The following FHIT variants were observed in gnomAD, a reference collection of about 807,000 sequenced individuals.
The protein encoded by FHIT is fragile histidine triad diadenosine triphosphatase, also known as bis(5'-adenosyl)-triphosphatase.
In FHIT, 19 loss-of-function variants were observed where a neutral mutation model predicts 17.9. That is an observed-to-expected ratio of 1.06 (90% CI 0.74 to 1.56). The LOEUF (loss-of-function observed/expected upper bound fraction) is 1.56, where lower values mean the gene tolerates loss of function less well. Ranked by LOEUF, FHIT falls within the 40% of genes most tolerant of loss-of-function variation. The probability of loss-of-function intolerance (pLI) is 0.00; values close to 1 mark genes in which losing one functional copy is unlikely to be tolerated. For missense variants in FHIT, 248 were observed against 189.2 expected, an observed-to-expected ratio of 1.31 and a Z score of -1.82; for synonymous variants, 81 against 69.7, an observed-to-expected ratio of 1.16 and a Z score of -0.81.
intron 5 of FHIT, among the ~76,000 whole-genome samples, chr3:60,214,705 A>C (rs1217104507): frequency 6.6e-6 from 1 of 152,216 alleles, no homozygotes; most frequent in Non-Finnish European, 1.5e-5. Context: ...CCAAAAAGAC[A>C]TGTACACTCC....
chr3:60,778,198 G>T (rs1380832081), intron 4 of FHIT, among the ~76,000 whole-genome samples: 2 of 152,138 alleles, frequency 1.3e-5, no homozygotes, highest in African/African-American at 4.8e-5. Flanking sequence ...CATAATTAAG[G>T]TTTTTATGTT....
chr3:59,818,029 C>T (rs867175221), intron 8 of FHIT, among the ~76,000 whole-genome samples: 1 of 151,560 alleles, frequency 6.6e-6, no homozygotes, highest in Non-Finnish European at 1.5e-5. Context: ...GGTTCTGAGG[C>T]TGGTGGGAAA....
chr3:60,611,236 G>T (rs1322870828), intron 4 of FHIT, among the ~76,000 whole-genome samples: 2 of 152,180 alleles, frequency 1.3e-5, no homozygotes, highest in African/African-American at 4.8e-5. Context: ...TGAAGGTCCA[G>T]TTTGCAACAC....
At chr3:59,947,953 T>C (rs936098510) in intron 7 of FHIT, among the ~76,000 whole-genome samples, 1 of 152,200 alleles carries the variant, frequency 6.6e-6, no homozygotes, top group Non-Finnish European at 1.5e-5. Context: ...TTGAGATCCA[T>C]ACAAGCTGTT....
chr3:59,859,232 G>T (rs1244415175), intron 8 of FHIT, among the ~76,000 whole-genome samples: 3 of 152,170 alleles, frequency 2.0e-5, no homozygotes, highest in African/African-American at 7.2e-5. Flanking sequence ...CAGTGTGGTT[G>T]CCTTCTGATG....
intron 4 of FHIT, among the ~76,000 whole-genome samples, chr3:60,565,231 A>T (rs145108491): frequency 1.3e-5 from 2 of 152,310 alleles, no homozygotes; most frequent in East Asian, 3.9e-4. Context: ...TAAAATTCAC[A>T]TGACTGATTT....
chr3:60,701,071 A>T (rs1271103515), intron 4 of FHIT, among the ~76,000 whole-genome samples: 1 of 151,734 alleles, frequency 6.6e-6, no homozygotes, highest in Non-Finnish European at 1.5e-5. Flanking sequence ...GCCAATTTTC[A>T]TAGCATCTTT....
chr3:60,533,536 A>T (rs944297503), intron 5 of FHIT, among the ~76,000 whole-genome samples: 2 of 152,332 alleles, frequency 1.3e-5, no homozygotes, highest in Middle Eastern at 3.4e-3. Context: ...GCTCAGTAAT[A>T]AAGTACTGAA....
At chr3:60,173,194 TTGAAAGATCA>T (rs757292544) in intron 5 of FHIT, among the ~76,000 whole-genome samples, 14 of 152,194 alleles carry the variant, frequency 9.2e-5, no homozygotes, top group Admixed American at 7.8e-4. Flanking sequence ...GCCTCTCAGG[TTGAAAGATCA>T]TGATGGATTA....
chr3:61,170,100 G>A (rs1429556363), intron 2 of FHIT, among the ~76,000 whole-genome samples: 1 of 152,110 alleles, frequency 6.6e-6, no homozygotes, highest in Non-Finnish European at 1.5e-5. Flanking sequence ...TGAGAAAAGG[G>A]CTCAGAGGAG....
chr3:59,801,874 G>A (rs377309234), intron 8 of FHIT, among the ~76,000 whole-genome samples: 103 of 152,282 alleles, frequency 6.8e-4, no homozygotes, highest in African/African-American at 2.4e-3. Context: ...GTCTCCAGCC[G>A]CCTGAGTCCT....
chr3:59,822,410 A>C (rs1448538855), intron 8 of FHIT, among the ~76,000 whole-genome samples: 3 of 152,146 alleles, frequency 2.0e-5, no homozygotes, highest in African/African-American at 7.2e-5. Context: ...TTCCATTCCC[A>C]TCAGCAGTGT....
At chr3:60,865,404 G>T (rs1265056732) in intron 3 of FHIT, among the ~76,000 whole-genome samples, 2 of 152,140 alleles carry the variant, frequency 1.3e-5, no homozygotes, top group Non-Finnish European at 2.9e-5. Context: ...CATGTCCATT[G>T]TTGCAGGAAT....
At chr3:59,947,850 T>C (rs1295743352) in intron 7 of FHIT, among the ~76,000 whole-genome samples, 1 of 152,228 alleles carries the variant, frequency 6.6e-6, no homozygotes, top group East Asian at 1.9e-4. Flanking sequence ...ATGGTGGGTG[T>C]ATGCCAATTT....
chr3:60,822,529 A>T (rs1203431349), intron 3 of FHIT, among the ~76,000 whole-genome samples: 1 of 152,148 alleles, frequency 6.6e-6, no homozygotes, highest in Non-Finnish European at 1.5e-5. Context: ...GCAAAGAAAC[A>T]TGGGTTTTTT....
intron 5 of FHIT, among the ~76,000 whole-genome samples, chr3:60,017,298 AG>A (rs1224433894): frequency 6.6e-6 from 1 of 152,244 alleles, no homozygotes; most frequent in Non-Finnish European, 1.5e-5. Context: ...AGGAGGCCTC[AG>A]CACTGGGCAG....
chr3:59,826,621 T>G (rs1313317998), intron 8 of FHIT, among the ~76,000 whole-genome samples: 3 of 152,236 alleles, frequency 2.0e-5, no homozygotes, highest in Admixed American at 2.0e-4. Flanking sequence ...GCCCCTAACC[T>G]GGCATTGTAG....
intron 5 of FHIT, among the ~76,000 whole-genome samples, chr3:60,190,431 G>A (rs929780637): frequency 6.6e-6 from 1 of 152,046 alleles, no homozygotes. Context: ...CCTAAAAGCT[G>A]GCCAAAAGAT....
intron 5 of FHIT, among the ~76,000 whole-genome samples, chr3:60,055,100 T>C (rs1306517269): frequency 6.6e-6 from 1 of 152,176 alleles, no homozygotes; most frequent in East Asian, 1.9e-4. Context: ...TTCCAAAGCG[T>C]GGCCTCCTAT....
Sources: gnomAD v4.1 joint callset for allele counts (sites outside exome capture counted in the v4.1 genomes callset) on GRCh38, gnomAD v4.1.1 for gene constraint, MANE v1.5 for transcripts, NCBI Gene and HGNC (gene_info 2026-07-23, HGNC 2026-07-21) for gene names.